The following SYCP1 variants were observed in gnomAD, a reference collection of about 807,000 sequenced individuals.
SYCP1 encodes cancer/testis antigen 8.
A neutral mutation model predicts 153.1 loss-of-function variants in SYCP1; 64 were observed. The ratio of observed to expected loss-of-function variants is 0.42; its 90% CI spans 0.34 to 0.51. SYCP1 has a LOEUF of 0.51. Among genes scored for constraint, SYCP1 ranks in the 20% least tolerant of loss-of-function variants. SYCP1 has a pLI of 0.06. For synonymous variants in SYCP1, 384 were observed against 341.8 expected (o/e 1.12, Z -1.36); for missense variants, 997 against 1,049.0 (o/e 0.95, Z 0.68).
chr1:114,880,773 C>T (rs1414079013), intron 12 of SYCP1, among the ~76,000 whole-genome samples: 1 of 152,050 alleles, frequency 6.6e-6, no homozygotes, highest in Admixed American at 6.6e-5. Flanking sequence ...CCCGTTTAGT[C>T]CTTTTATGTC....
chr1:114,858,765 T>G, intron 6 of SYCP1, 54 bp downstream of exon 6: 1 of 1,419,190 alleles, frequency 7.0e-7, no homozygotes, highest in South Asian at 1.4e-5. Flanking sequence ...ATCATAATAC[T>G]GTTGAAAGTA....
intron 27 of SYCP1, among the ~76,000 whole-genome samples, chr1:114,971,202 C>T (rs1319247541): frequency 2.0e-5 from 3 of 152,070 alleles, no homozygotes; most frequent in Non-Finnish European, 4.4e-5. Context: ...GTTACTACGT[C>T]AGGTAGAGAA....
At chr1:114,888,599 G>A (rs896204888) in intron 15 of SYCP1, among the ~76,000 whole-genome samples, 2 of 151,258 alleles carry the variant, frequency 1.3e-5, no homozygotes, top group Non-Finnish European at 3.0e-5. Context: ...TATCTTCTTA[G>A]GATAACTTTA....
intron 23 of SYCP1, among the ~76,000 whole-genome samples, chr1:114,940,680 TG>T (rs1392806653): frequency 1.3e-5 from 2 of 152,226 alleles, no homozygotes; most frequent in African/African-American, 4.8e-5. Context: ...ATTTGCCTGA[TG>T]GCCCAATATA....
chr1:114,926,434 C>A, intron 22 of SYCP1, 67 bp from the exon 23 acceptor site: 1 of 1,486,636 alleles, frequency 6.7e-7, no homozygotes, highest in South Asian at 1.4e-5. Flanking sequence ...TAATTTAAGT[C>A]TAAGTCAGTA....
chr1:114,910,739 A>C (rs945454873), intron 17 of SYCP1, among the ~76,000 whole-genome samples: 2 of 152,074 alleles, frequency 1.3e-5, no homozygotes, highest in Non-Finnish European at 2.9e-5. Context: ...TATGGTTTAT[A>C]ATAGTGATAT....
At position 114,989,576 on chromosome 1, in the gene SYCP1, A is replaced by G. The variant is rs147832389; in HGVS notation, c.2703+4708A>G. Among the ~76,000 whole-genome samples, 295 of 152,126 alleles carry G rather than the reference A, an allele frequency of 1.9e-3. 2 individuals carry two copies. The highest frequency in any genetic ancestry group is 2.7e-3 in the Non-Finnish European group (180 of 67,924). On this transcript the variant is annotated intron_variant, in intron 30 of 31. Coordinates refer to ENST00000369522, the MANE Select transcript of SYCP1 (RefSeq NM_003176.4). The stretch of plus-strand genomic sequence containing the variant: ...ATCAAAAGATATAGATTGGCAGAAT[A>G]TATTTTAAAAACATGAAAACTATAT...
At chr1:114,923,311 ATT>A in intron 20 of SYCP1, 136 bp from the exon 21 acceptor site, 1 of 848,590 alleles carries the variant, frequency 1.2e-6, no homozygotes, top group South Asian at 2.0e-5. Context: ...TTGTACTTAT[ATT>A]ATGAAGTATT....
At chr1:114,991,178 T>A (rs1439250636) in intron 30 of SYCP1, among the ~76,000 whole-genome samples, 2 of 151,934 alleles carry the variant, frequency 1.3e-5, no homozygotes, top group African/African-American at 4.8e-5. Context: ...TAGAGGAGTA[T>A]AAATTGGTAA....
At chr1:114,982,390 T>A (rs1673214766) in intron 29 of SYCP1, among the ~76,000 whole-genome samples, 2 of 151,924 alleles carry the variant, frequency 1.3e-5, no homozygotes, top group African/African-American at 2.4e-5. Context: ...GCAAGGTGTC[T>A]GCAAGTCTCT....
intron 29 of SYCP1, among the ~76,000 whole-genome samples, chr1:114,982,464 G>C (rs186976622): frequency 2.7e-4 from 41 of 151,620 alleles, no homozygotes; most frequent in Non-Finnish European, 4.3e-4. Context: ...CAGGCTCATG[G>C]ATTCTTCTTC....
chr1:114,866,361 G>A (rs1272153061), intron 8 of SYCP1, among the ~76,000 whole-genome samples: 1 of 152,136 alleles, frequency 6.6e-6, no homozygotes, highest in African/African-American at 2.4e-5. Flanking sequence ...CAAAGTTCTG[G>A]ATTTTGGCCA....
intron 15 of SYCP1, among the ~76,000 whole-genome samples, chr1:114,888,824 A>C (rs1666493257): frequency 6.6e-6 from 1 of 152,008 alleles, no homozygotes; most frequent in Non-Finnish European, 1.5e-5. Flanking sequence ...CATTAACATT[A>C]GGTATTTTTC....
chr1:114,909,736 G>A (rs1668059976), intron 16 of SYCP1, among the ~76,000 whole-genome samples: 1 of 152,092 alleles, frequency 6.6e-6, no homozygotes, highest in Non-Finnish European at 1.5e-5. Flanking sequence ...TCTAGTGAGG[G>A]CTGGTCATAC....
intron 20 of SYCP1, among the ~76,000 whole-genome samples, chr1:114,922,398 G>A (rs1232432156): frequency 6.6e-6 from 1 of 152,102 alleles, no homozygotes; most frequent in African/African-American, 2.4e-5. Context: ...AGTTCCATAG[G>A]TCATACAGAA....
chr1:114,857,512 C>T lies in SYCP1; in HGVS notation c.291+15C>T, dbSNP rs1229881683. The T allele has an allele frequency of 6.4e-7, 1 of 1,571,858 alleles. No homozygotes were observed. Among genetic ancestry groups the T allele is most frequent in the Non-Finnish European group, 8.6e-7 (1 of 1,156,412 alleles). On this transcript the variant is annotated intron_variant, in intron 5 of 31. Transcript: ENST00000369522. ...CTGATTTGGAGGTCAGAAGATTTCC[C>T]ATTCATATTAAATTTCTTGTAATTG... is the stretch of plus-strand genomic sequence containing the variant.
intron 24 of SYCP1, among the ~76,000 whole-genome samples, 156 bp from the exon 25 acceptor site, chr1:114,944,716 C>A (rs557520563): frequency 6.6e-6 from 1 of 151,886 alleles, no homozygotes; most frequent in African/African-American, 2.4e-5. Flanking sequence ...TCATAAAACA[C>A]CCCGAAAAAA....
chr1:114,941,568 TC>T (rs1415640049), intron 23 of SYCP1, among the ~76,000 whole-genome samples: 1 of 152,144 alleles, frequency 6.6e-6, no homozygotes, highest in East Asian at 1.9e-4. Flanking sequence ...CTACATTATC[TC>T]CTTTATCTCT....
At chr1:114,915,763 A>G (rs1317304577) in intron 20 of SYCP1, among the ~76,000 whole-genome samples, 4 of 152,224 alleles carry the variant, frequency 2.6e-5, no homozygotes, top group Non-Finnish European at 5.9e-5. Flanking sequence ...AGCAGTTCAG[A>G]GCCCAAAGAG....
Sources: gnomAD v4.1 joint callset for allele counts (sites outside exome capture counted in the v4.1 genomes callset) on GRCh38, gnomAD v4.1.1 for gene constraint, MANE v1.5 for transcripts, NCBI Gene and HGNC (gene_info 2026-07-23, HGNC 2026-07-21) for gene names.